Variants in MAP4 observed in about 807,000 individuals in gnomAD.
The protein encoded by MAP4 is microtubule-associated protein 4.
In MAP4, 76 loss-of-function variants were observed where a neutral mutation model predicts 170.2. That is an observed-to-expected ratio of 0.45 (90% CI 0.37 to 0.54). The LOEUF (loss-of-function observed/expected upper bound fraction) is 0.54. Among genes scored for constraint, MAP4 ranks in the 20% least tolerant of loss-of-function variants. MAP4 has a pLI of 0.00. For missense variants in MAP4, 2,506 were observed against 2,748.0 expected, an observed-to-expected ratio of 0.91 and a Z score of 1.97; for synonymous variants, 909 against 994.5, an observed-to-expected ratio of 0.91 and a Z score of 1.62.
At chr3:47,937,181 CCATT>C (rs1362004183) in intron 3 of MAP4, among the ~76,000 whole-genome samples, 3 of 152,140 alleles carry the variant, frequency 2.0e-5, no homozygotes, top group Middle Eastern at 6.8e-3. Context: ...TTTGACTTAT[CCATT>C]CATCTTTATA....
chr3:47,897,950 GA>G (rs370278143), intron 10 of MAP4, among the ~76,000 whole-genome samples: 2,551 of 134,350 alleles, frequency 0.019, 35 homozygotes, highest in Middle Eastern at 0.027. Context: ...TCGGGGGGGG[GA>G]AAAAAAAAAA....
At chr3:47,871,404 C>A in intron 13 of MAP4, 118 bp from the exon 14 acceptor site, 2 of 848,942 alleles carry the variant, frequency 2.4e-6, no homozygotes, top group South Asian at 2.9e-5. Context: ...GAGCCAGGGA[C>A]TGTGTTAGTC....
chr3:47,924,608 T>A (rs1225322171), intron 4 of MAP4, among the ~76,000 whole-genome samples: 1 of 152,112 alleles, frequency 6.6e-6, no homozygotes, highest in Admixed American at 6.6e-5. Context: ...GCTCCATGAC[T>A]AGGGTTTCTC....
At chr3:48,036,867 G>A (rs1441177823) in intron 1 of MAP4, among the ~76,000 whole-genome samples, 3 of 152,216 alleles carry the variant, frequency 2.0e-5, no homozygotes, top group Admixed American at 6.5e-5. Context: ...AATGGTGAAT[G>A]TTAGCCTACA....
At chr3:47,968,111 T>C (rs2154210022) in intron 3 of MAP4, among the ~76,000 whole-genome samples, 1 of 152,312 alleles carries the variant, frequency 6.6e-6, no homozygotes, top group Non-Finnish European at 1.5e-5. Context: ...GTAAAAAGCA[T>C]GTAAAATTTA....
chr3:48,074,725 T>TGTGTGA (rs756153345), intron 1 of MAP4, among the ~76,000 whole-genome samples: 76 of 147,418 alleles, frequency 5.2e-4, no homozygotes, highest in African/African-American at 1.2e-3. Flanking sequence ...TGTGTGTGTG[T>TGTGTGA]GATATGTCGG....
At chr3:47,872,195 G>GT in intron 12 of MAP4, 95 bp from the exon 13 acceptor site, 1 of 1,212,886 alleles carries the variant, frequency 8.2e-7, no homozygotes, top group Non-Finnish European at 1.1e-6. Flanking sequence ...GTTTTGTTTT[G>GT]TTTTTGGAGA....
intron 3 of MAP4, among the ~76,000 whole-genome samples, chr3:47,940,930 T>C (rs1158006871): frequency 6.6e-6 from 1 of 151,826 alleles, no homozygotes; most frequent in East Asian, 1.9e-4. Context: ...CAGGCTGGAG[T>C]GCAATGGTGC....
intron 2 of MAP4, among the ~76,000 whole-genome samples, chr3:47,989,953 ATTTAC>A (rs1017284927): frequency 1.6e-4 from 24 of 152,148 alleles, no homozygotes; most frequent in African/African-American, 5.5e-4. Context: ...AGATATTCAA[ATTTAC>A]TTTATTTTGT....
chr3:47,872,894 G>A (rs1041597372), intron 12 of MAP4, among the ~76,000 whole-genome samples: 2 of 152,214 alleles, frequency 1.3e-5, no homozygotes, highest in Middle Eastern at 3.4e-3. Context: ...TGTTCAAATC[G>A]AGCCATTCTT....
intron 20 of MAP4, 25 bp downstream of exon 20, chr3:47,853,138 C>A: frequency 1.2e-6 from 2 of 1,609,124 alleles, no homozygotes; most frequent in Non-Finnish European, 1.7e-6. Flanking sequence ...CCTGGCTGGC[C>A]CTTAGGCCGA....
intron 3 of MAP4, chr3:47,975,376 T>A: frequency 6.4e-7 from 1 of 1,551,830 alleles, no homozygotes; most frequent in Non-Finnish European, 8.7e-7. Flanking sequence ...CTCTGCAAAA[T>A]GCTGAAGGTT....
intron 1 of MAP4, among the ~76,000 whole-genome samples, chr3:48,073,433 G>T (rs542621065): frequency 7.9e-5 from 12 of 151,648 alleles, no homozygotes; most frequent in African/African-American, 2.9e-4. Flanking sequence ...CCAAGATGGA[G>T]AAACCCCGAC....
chr3:47,922,965 G>A (rs975495922), intron 4 of MAP4, among the ~76,000 whole-genome samples: 4 of 151,954 alleles, frequency 2.6e-5, no homozygotes, highest in Non-Finnish European at 4.4e-5. Context: ...CAGGAAAATC[G>A]CTTGAACACG....
At chr3:47,987,681 C>T (rs570601349) in intron 2 of MAP4, among the ~76,000 whole-genome samples, 4 of 152,318 alleles carry the variant, frequency 2.6e-5, no homozygotes, top group Admixed American at 2.0e-4. Flanking sequence ...AATCCTACTC[C>T]TTCTGTAGCT....
chr3:47,993,334 CA>C (rs34294539), intron 2 of MAP4, among the ~76,000 whole-genome samples: 1 of 150,478 alleles, frequency 6.6e-6, no homozygotes, highest in African/African-American at 2.4e-5. Flanking sequence ...GACTCTGTCT[CA>C]AAAAAAGAAA....
At chr3:47,983,757 G>A (rs1375633877) in intron 2 of MAP4, among the ~76,000 whole-genome samples, 3 of 152,032 alleles carry the variant, frequency 2.0e-5, no homozygotes, top group African/African-American at 7.3e-5. Flanking sequence ...GGGCTCAAGT[G>A]GTACTCCTGC....
chr3:47,886,142 CAT>C (rs1223537550), intron 10 of MAP4, among the ~76,000 whole-genome samples: 2 of 152,222 alleles, frequency 1.3e-5, no homozygotes, highest in African/African-American at 4.8e-5. Context: ...CAGTAAACAA[CAT>C]ATTTCATAAA....
At chr3:47,920,425 T>G (rs1007370590) in intron 5 of MAP4, among the ~76,000 whole-genome samples, 1 of 152,124 alleles carries the variant, frequency 6.6e-6, no homozygotes, top group African/African-American at 2.4e-5. Context: ...GTATTTTTAG[T>G]AGAGACGGGA....
Sources: allele counts gnomAD v4.1 joint callset (sites outside exome capture counted in the v4.1 genomes callset), GRCh38; gene constraint gnomAD v4.1.1; transcripts MANE v1.5; gene names NCBI Gene and HGNC (gene_info 2026-07-23, HGNC 2026-07-21).